The following GLRX3 variants were observed in gnomAD, a reference collection of about 807,000 sequenced individuals.
GLRX3 encodes glutaredoxin-3.
Under a neutral mutation model 49.5 loss-of-function variants are expected in GLRX3, and 22 were observed. The ratio of observed to expected loss-of-function variants is 0.44; its 90% CI spans 0.32 to 0.63. GLRX3 has a LOEUF of 0.63. Among genes scored for constraint, GLRX3 ranks in the 30% least tolerant of loss-of-function variants. GLRX3 has a pLI of 0.05. For missense variants in GLRX3, 385 were observed against 396.3 expected (o/e 0.97, Z 0.24); for synonymous variants, 133 against 140.0 (o/e 0.95, Z 0.35).
intron 1 of GLRX3, among the ~76,000 whole-genome samples, chr10:130,138,482 C>T (rs1329315856): frequency 6.6e-6 from 1 of 152,078 alleles, no homozygotes; most frequent in East Asian, 1.9e-4. Flanking sequence ...GGGAGGGGTG[C>T]GAGTTACTGA....
chr10:130,166,461 T>C, intron 4 of GLRX3, 46 bp from the exon 5 acceptor site: 1 of 1,433,200 alleles, frequency 7.0e-7, no homozygotes, highest in Non-Finnish European at 9.8e-7. Context: ...GTGTATGTGT[T>C]TTGGGAGAGA....
chr10:130,147,767 C>T (rs1444563192), intron 2 of GLRX3, among the ~76,000 whole-genome samples: 2 of 152,152 alleles, frequency 1.3e-5, no homozygotes, highest in East Asian at 1.9e-4. Context: ...GCAGGCTGGG[C>T]GCCTCGGCTC....
At chr10:130,175,351 C>G (rs1463568912) in intron 10 of GLRX3, among the ~76,000 whole-genome samples, 1 of 152,186 alleles carries the variant, frequency 6.6e-6, no homozygotes, top group Admixed American at 6.5e-5. Flanking sequence ...TTCCCTGTCA[C>G]TCAGGGTCCT....
At chr10:130,160,371 T>G (rs1862550841) in intron 3 of GLRX3, among the ~76,000 whole-genome samples, 1 of 152,168 alleles carries the variant, frequency 6.6e-6, no homozygotes, top group African/African-American at 2.4e-5. Context: ...GTTGGTTAAA[T>G]TGGTTGTTTA....
rs1564987771 is a variant in GLRX3, at chr10:130,145,091, GA to G, written c.93-115del. On this transcript the variant is annotated intron_variant, in intron 1 of 10. Transcript: ENST00000331244. ...GTATACAACAAAATTCTAGCAATAT[GA>G]AAAACTTCAGACGGTTCTTTTAAAG... is the stretch of plus-strand genomic sequence containing the variant. 1.0e-5 allele frequency: 5 copies of G among 493,562 alleles called. No individual in the cohort carries two copies. In the South Asian group the frequency reaches 1.9e-4, roughly 18 times the overall value. 30.6% of individuals were successfully genotyped at this position (493,562 alleles called of 1,614,324 possible). A position where few individuals can be genotyped will look rare whatever the true frequency, so the allele number is the denominator to read the frequency against.
intron 1 of GLRX3, among the ~76,000 whole-genome samples, chr10:130,144,331 T>C (rs1862230312): frequency 6.7e-6 from 1 of 150,370 alleles, no homozygotes. Context: ...GGGATACATA[T>C]GCAGAATGTG....
chr10:130,141,396 A>C (rs1862173135), intron 1 of GLRX3, among the ~76,000 whole-genome samples: 1 of 152,188 alleles, frequency 6.6e-6, no homozygotes, highest in Non-Finnish European at 1.5e-5. Flanking sequence ...CAATGCACAG[A>C]TCTTAATCGT....
chr10:130,160,001 G>C lies in GLRX3; in HGVS notation c.208G>C (p.Ala70Pro). 1 of 1,580,582 alleles carries C rather than the reference G, an allele frequency of 6.3e-7. No individual in the cohort carries two copies. Among genetic ancestry groups the C allele is most frequent in the Non-Finnish European group, 8.7e-7 (1 of 1,149,604 alleles). The change falls in exon 3 of 11, where the codon GCT (alanine) becomes CCT (proline). Residue 70 changes from alanine to proline, a missense_variant. Around this residue, in one of 2 missense-constraint regions of GLRX3, gnomAD observed 374 missense variants for 358.6 expected, o/e 1.04. Coordinates refer to ENST00000331244, the MANE Select transcript of GLRX3 (RefSeq NM_006541.5). Reference protein sequence around the residue: ...LPQVSFVKLEAEGVPEVSEKY... With the variant: ...LPQVSFVKLEPEGVPEVSEKY... ...GAATTCTTTTATTTTAAAGTTGGAA[G>C]CTGAAGGTGTTCCTGAAGTATCTGA... is the stretch of plus-strand genomic sequence containing the variant.
intron 7 of GLRX3, 134 bp downstream of exon 7, chr10:130,169,624 T>C (rs1862765636): frequency 1.5e-6 from 1 of 656,052 alleles, no homozygotes. Flanking sequence ...CACGCCTTAA[T>C]TGGTGCTTAC....
chr10:130,139,161 G>C (rs931714384), intron 1 of GLRX3, among the ~76,000 whole-genome samples: 9 of 151,964 alleles, frequency 5.9e-5, no homozygotes, highest in South Asian at 2.1e-4. Context: ...GGCCAAAATG[G>C]ATAAAAGTTT....
chr10:130,172,849 T>C (rs911336604), intron 8 of GLRX3, among the ~76,000 whole-genome samples: 1 of 152,088 alleles, frequency 6.6e-6, no homozygotes, highest in Non-Finnish European at 1.5e-5. Context: ...GGCTGAGGCC[T>C]GGAGAATCAC....
intron 4 of GLRX3, among the ~76,000 whole-genome samples, chr10:130,164,691 T>A (rs1358149214): frequency 2.0e-5 from 3 of 152,258 alleles, no homozygotes; most frequent in Non-Finnish European, 4.4e-5. Flanking sequence ...CTTCTTGCCA[T>A]CTTATCCTTA....
In GLRX3 at chr10:130,145,343, C is replaced by A. The variant is rs181189075; in HGVS notation, c.201+24C>A. ...AGGTATTTATATTTCAATGTCATGT[C>A]TTTTGTGAATTTAATTCTGATTTAT... On this transcript the variant is annotated intron_variant, in intron 2 of 10. Coordinates refer to ENST00000331244, the MANE Select transcript of GLRX3 (RefSeq NM_006541.5). The A allele has an allele frequency of 2.6e-3, 2,711 of 1,049,112 alleles. 11 individuals carry two copies. Among genetic ancestry groups the A allele is most frequent in the Non-Finnish European group, 2.8e-3 (1,881 of 665,028 alleles). The allele number at this position is 1,049,112 out of a possible 1,614,324, so 65.0% of individuals were successfully genotyped here. A position where few individuals can be genotyped will look rare whatever the true frequency, so the allele number is the denominator to read the frequency against.
chr10:130,143,402 TC>T (rs2134872695), intron 1 of GLRX3, among the ~76,000 whole-genome samples: 1 of 152,350 alleles, frequency 6.6e-6, no homozygotes, highest in African/African-American at 2.4e-5. Flanking sequence ...TGAACAGAAT[TC>T]CATAAAACTG....
chr10:130,169,300 C>T lies in GLRX3; in HGVS notation c.714-133C>T, dbSNP rs1862756376. On this transcript the variant is annotated intron_variant, in intron 6 of 10. Coordinates refer to ENST00000331244, the MANE Select transcript of GLRX3 (RefSeq NM_006541.5). The stretch of plus-strand genomic sequence containing the variant: ...ATCAAGGAAAATGTCAACGCATTTG[C>T]TTGTTTAATACCACTCAAAGCTGTG... 4.7e-6 allele frequency: 3 copies of T among 632,778 alleles called. No homozygotes were observed. In the African/African-American group the frequency reaches 5.5e-5, roughly 12 times the overall value. 39.2% of individuals were successfully genotyped at this position (632,778 alleles called of 1,614,324 possible).
At position 130,177,078 on chromosome 10, in the gene GLRX3, A is replaced by C. The variant is rs10829699; in HGVS notation, c.957+1989A>C. Among the ~76,000 whole-genome samples the C allele has an allele frequency of 2.6e-5, 4 of 152,254 alleles. No homozygotes were observed. In the South Asian group the frequency reaches 8.3e-4, roughly 32 times the overall value. On this transcript the variant is annotated intron_variant, in intron 10 of 10. Transcript: ENST00000331244. Reference sequence around the variant, plus strand: ...TTAACGTTTTTCCTTGAGAAGATATATGGAATAGATCTTACGATCCCATTT... The same window carrying C: ...TTAACGTTTTTCCTTGAGAAGATATCTGGAATAGATCTTACGATCCCATTT...
chr10:130,176,809 G>A (rs1862933235), intron 10 of GLRX3, among the ~76,000 whole-genome samples: 1 of 107,464 alleles, frequency 9.3e-6, no homozygotes, highest in African/African-American at 3.7e-5. Context: ...TATATATATA[G>A]TCTTATTTTT....
rs59275416 is a variant in GLRX3 at position 130,149,934 on chromosome 10, T to TAA, written c.201+4633_201+4634dup. On this transcript the variant is annotated intron_variant, in intron 2 of 10. Coordinates refer to ENST00000331244, the MANE Select transcript of GLRX3 (RefSeq NM_006541.5). The stretch of plus-strand genomic sequence containing the variant: ...CTTTACCTCATCAGGTTTTCATTAG[T>TAA]AAAAAAAAAAAAAAAAAAATAGGGC... 3.2e-4 allele frequency among the ~76,000 whole-genome samples: 42 copies of TAA among 132,138 alleles called. No individual in the cohort carries two copies. The East Asian group carries it at 7.2e-3, about 23-fold the overall frequency. The allele number at this position is 132,138 out of a possible 152,430, so 86.7% of individuals were successfully genotyped here.
At chr10:130,152,995 C>T (rs914401336) in intron 2 of GLRX3, among the ~76,000 whole-genome samples, 3 of 152,082 alleles carry the variant, frequency 2.0e-5, no homozygotes, top group African/African-American at 7.2e-5. Context: ...AGGCTTTGTT[C>T]GTTTCTTTTC....
Sources: gnomAD v4.1 joint callset for allele counts (sites outside exome capture counted in the v4.1 genomes callset) on GRCh38, gnomAD v4.1.1 for gene constraint, gnomAD v4.1.1 regional missense constraint, MANE v1.5 for transcripts, NCBI Gene and HGNC (gene_info 2026-07-23, HGNC 2026-07-21) for gene names.